The following SEL1L variants were observed in gnomAD, a reference collection of about 807,000 sequenced individuals.
SEL1L encodes protein sel-1 homolog 1.
A neutral mutation model predicts 109.8 loss-of-function variants in SEL1L; 52 were observed. The ratio of observed to expected loss-of-function variants is 0.47; its 90% CI spans 0.38 to 0.60. The LOEUF (loss-of-function observed/expected upper bound fraction) is 0.60. Ranked by LOEUF, SEL1L falls within the 20% of genes least tolerant of loss-of-function variation. SEL1L has a pLI of 0.00. For synonymous variants in SEL1L, 373 were observed against 339.6 expected (o/e 1.10, Z -1.08); for missense variants, 749 against 962.2 (o/e 0.78, Z 2.93).
chr14:81,528,265 A>G (rs551490152), intron 1 of SEL1L, among the ~76,000 whole-genome samples: 2 of 152,296 alleles, frequency 1.3e-5, no homozygotes, highest in African/African-American at 4.8e-5. Context: ...CAAAACAATT[A>G]TATTTAGGAT....
Position 81,487,542 on chromosome 14 carries a change from TAAGA to T in SEL1L, c.1484-8_1484-5del. 1 of 1,588,100 alleles carries T rather than the reference TAAGA, an allele frequency of 6.3e-7. No individual in the cohort carries two copies. The highest frequency in any genetic ancestry group is 8.5e-7 in the Non-Finnish European group (1 of 1,174,156). ...TCTCTCTTGACTCCAATGCCATCTG[TAAGA>T]AAAAAAAAAATCACACGAGATAATA... On this transcript the variant is annotated splice_region_variant and splice_polypyrimidine_tract_variant and intron_variant, in intron 15 of 20. Transcript: ENST00000336735.
rs762627463 is a variant in SEL1L at position 81,533,681 on chromosome 14, A to G, written c.64T>C (p.Ser22Pro). The G allele has an allele frequency of 2.5e-6, 4 of 1,612,962 alleles. No homozygotes were observed. The highest frequency in any genetic ancestry group is 2.5e-6 in the Non-Finnish European group (3 of 1,179,760). The part of the protein sequence containing the change: ...CAVLLSLASA[S>P]SDEEGSQDES... ...CGAGGGGGCGGATACTGACCCGAGG[A>G]CGCCGAGGCCAAGCTCAGCAGCACC... Residue 22 changes from serine (S) to proline (P), a missense_variant, in exon 1 of 21, where the codon TCC becomes CCC. By Grantham distance (74) the Ser-to-Pro change is moderately conservative. Transcript: ENST00000336735.
At chr14:81,490,761 C>G (rs1193239123) in intron 12 of SEL1L, among the ~76,000 whole-genome samples, 2 of 152,030 alleles carry the variant, frequency 1.3e-5, no homozygotes, top group African/African-American at 4.8e-5. Flanking sequence ...ATTAGCCAGG[C>G]GTGGTGGCGT....
Position 81,475,268 on chromosome 14 carries a change from C to T in SEL1L, c.*1704G>A, listed in dbSNP as rs1903123996. Reference sequence around the variant, plus strand: ...AAGTTTCCTACCTTTCACAGATACGCTTTCATACATATGGCTCTCTTGGTG... The same window carrying T: ...AAGTTTCCTACCTTTCACAGATACGTTTTCATACATATGGCTCTCTTGGTG... On this transcript the variant is annotated 3_prime_UTR_variant, in exon 21 of 21. Coordinates refer to ENST00000336735, the MANE Select transcript of SEL1L (RefSeq NM_005065.6). 1 of 152,458 alleles carries T rather than the reference C, an allele frequency of 6.6e-6. No individual in the cohort carries two copies. Among genetic ancestry groups the T allele is most frequent in the South Asian group, 2.1e-4 (1 of 4,828 alleles). The allele number at this position is 152,458 out of a possible 1,614,324, so 9.4% of individuals were successfully genotyped here.
At chr14:81,529,124 A>G (rs1253377379) in intron 1 of SEL1L, among the ~76,000 whole-genome samples, 1 of 152,142 alleles carries the variant, frequency 6.6e-6, no homozygotes, top group Admixed American at 6.6e-5. Context: ...GGTATGCCAC[A>G]TATTAGTCCC....
intron 16 of SEL1L, 129 bp downstream of exon 16, chr14:81,487,261 A>T: frequency 1.3e-6 from 1 of 792,454 alleles, no homozygotes; most frequent in Non-Finnish European, 1.9e-6. Flanking sequence ...TTCCCTCAGT[A>T]TATCAAAGCT....
chr14:81,515,128 A>C (rs1377283715), intron 3 of SEL1L, among the ~76,000 whole-genome samples: 3 of 152,148 alleles, frequency 2.0e-5, no homozygotes, highest in Non-Finnish European at 4.4e-5. Flanking sequence ...GAAGGAAACA[A>C]GCAAAGAAAT....
intron 3 of SEL1L, among the ~76,000 whole-genome samples, chr14:81,525,752 C>T (rs1885086468): frequency 6.6e-6 from 1 of 152,052 alleles, no homozygotes; most frequent in Admixed American, 6.5e-5. Context: ...TTTTTTATAG[C>T]CATTAACTAT....
At chr14:81,493,302 G>A (rs187841660) in intron 11 of SEL1L, among the ~76,000 whole-genome samples, 212 of 152,226 alleles carry the variant, frequency 1.4e-3, no homozygotes, top group African/African-American at 4.9e-3. Flanking sequence ...TTGAGGTCAG[G>A]AGTTCGAGAC....
At chr14:81,509,664 A>G (rs1175206823) in intron 3 of SEL1L, among the ~76,000 whole-genome samples, 1 of 152,236 alleles carries the variant, frequency 6.6e-6, no homozygotes, top group African/African-American at 2.4e-5. Context: ...AAAACGGAAA[A>G]TATGCAGCGT....
At chr14:81,478,125 T>A (rs1257566711) in intron 20 of SEL1L, among the ~76,000 whole-genome samples, 1 of 152,208 alleles carries the variant, frequency 6.6e-6, no homozygotes, top group African/African-American at 2.4e-5. Flanking sequence ...ACTTTTATTA[T>A]ACTTACCCAT....
At chr14:81,485,472 G>A (rs1903492089) in intron 18 of SEL1L, among the ~76,000 whole-genome samples, 200 bp downstream of exon 18, 1 of 149,710 alleles carries the variant, frequency 6.7e-6, no homozygotes, top group Non-Finnish European at 1.5e-5. Flanking sequence ...TTTTAGTAGA[G>A]ACAGGGTTTT....
At chr14:81,479,988 G>C (rs1023416967) in intron 19 of SEL1L, among the ~76,000 whole-genome samples, 1 of 151,324 alleles carries the variant, frequency 6.6e-6, no homozygotes, top group Non-Finnish European at 1.5e-5. Context: ...GTGTAGATAT[G>C]CTGCATACAG....
intron 3 of SEL1L, among the ~76,000 whole-genome samples, chr14:81,524,726 T>C (rs1009702123): frequency 1.3e-5 from 2 of 151,868 alleles, no homozygotes; most frequent in Non-Finnish European, 2.9e-5. Flanking sequence ...AGAAGAAAAT[T>C]AGCCAGGCAT....
At chr14:81,502,625 T>C in intron 6 of SEL1L, 96 bp downstream of exon 6, 2 of 1,236,256 alleles carry the variant, frequency 1.6e-6, no homozygotes, top group East Asian at 2.4e-5. Context: ...TCTTCCAGTC[T>C]GACTTTTTAA....
intron 2 of SEL1L, 48 bp downstream of exon 2, chr14:81,527,652 CT>C: frequency 7.3e-7 from 1 of 1,379,144 alleles, no homozygotes; most frequent in South Asian, 1.4e-5. Flanking sequence ...ATAATTCATC[CT>C]TTTAAATCAG....
intron 3 of SEL1L, among the ~76,000 whole-genome samples, chr14:81,506,955 T>C (rs1398911328): frequency 1.3e-5 from 2 of 152,160 alleles, no homozygotes; most frequent in African/African-American, 2.4e-5. Flanking sequence ...ATGGATGCTA[T>C]GGAAAGGAAA....
intron 10 of SEL1L, among the ~76,000 whole-genome samples, chr14:81,496,947 C>T (rs903106215): frequency 2.6e-5 from 4 of 151,964 alleles, no homozygotes; most frequent in Admixed American, 6.5e-5. Context: ...ATGTTGTGAT[C>T]GCTAGATAAC....
chr14:81,476,945 A>C lies in SEL1L; in HGVS notation c.*27T>G. The C allele has an allele frequency of 6.2e-7, 1 of 1,609,078 alleles. No individual in the cohort carries two copies. The highest frequency in any genetic ancestry group is 1.1e-5 in the South Asian group (1 of 90,962). ...CCAGCAGATAACTTCCTTCGCTGTC[A>C]CTGATCAAGGCTGGACCCAGTGCCT... On this transcript the variant is annotated 3_prime_UTR_variant, in exon 21 of 21. Coordinates refer to ENST00000336735, the MANE Select transcript of SEL1L (RefSeq NM_005065.6).
Sources: gnomAD v4.1 joint callset for allele counts (sites outside exome capture counted in the v4.1 genomes callset) on GRCh38, gnomAD v4.1.1 for gene constraint, MANE v1.5 for transcripts, NCBI Gene and HGNC (gene_info 2026-07-23, HGNC 2026-07-21) for gene names.